PFKFB2: variants seen among roughly 807,000 people sequenced by gnomAD.
The protein encoded by PFKFB2 is 6-phosphofructo-2-kinase/fructose-2,6-bisphosphatase 2.
In PFKFB2, 53 loss-of-function variants were observed where a neutral mutation model predicts 68.0. That is an observed-to-expected ratio of 0.78 (90% CI 0.63 to 0.98). The LOEUF (loss-of-function observed/expected upper bound fraction) is 0.98, where lower values mean the gene tolerates loss of function less well. Ranked by LOEUF, PFKFB2 falls within the 50% of genes least tolerant of loss-of-function variation. PFKFB2 has a pLI of 0.00. For missense variants in PFKFB2, 451 were observed against 642.0 expected, an observed-to-expected ratio of 0.70 and a Z score of 3.22; for synonymous variants, 222 against 227.6, an observed-to-expected ratio of 0.98 and a Z score of 0.22.
In PFKFB2 at chr1:207,073,858, G is replaced by T; in HGVS notation, c.*1487G>T. The T allele has an allele frequency of 1.0e-6, 1 of 985,346 alleles. No individual in the cohort carries two copies. The highest frequency in any genetic ancestry group is 1.2e-6 in the Non-Finnish European group (1 of 829,874). The allele number at this position is 985,346 out of a possible 1,614,324, so 61.0% of individuals were successfully genotyped here. On this transcript the variant is annotated 3_prime_UTR_variant, in exon 15 of 15. Transcript: ENST00000367080. ...TGTTTTTCTGAGAGGCAAGTTTAGGGTTCTCATGGGATTTTAAAAAGAGAT... is the reference window on the plus strand; with the variant it reads ...TGTTTTTCTGAGAGGCAAGTTTAGGTTTCTCATGGGATTTTAAAAAGAGAT...
intron 11 of PFKFB2, among the ~76,000 whole-genome samples, chr1:207,069,764 T>C (rs909517906): frequency 2.6e-5 from 4 of 152,158 alleles, no homozygotes; most frequent in Non-Finnish European, 5.9e-5. Flanking sequence ...ATCAACACAA[T>C]CATTTTTACT....
intron 2 of PFKFB2, among the ~76,000 whole-genome samples, chr1:207,060,468 C>T (rs1042968731): frequency 9.9e-5 from 15 of 152,212 alleles, no homozygotes; most frequent in African/African-American, 3.4e-4. Flanking sequence ...CTGAAGCTTC[C>T]TGAGGTCTAT....
intron 8 of PFKFB2, among the ~76,000 whole-genome samples, chr1:207,065,729 TTGAACTGGGTAATTCTTTGTTGTAGGACC>T (rs1683268548): frequency 6.6e-6 from 1 of 152,214 alleles, no homozygotes; most frequent in African/African-American, 2.4e-5. Flanking sequence ...TATTGGCACT[TTGAACTGGGTAATTCTTTGTTGTAGGACC>T]TGTCCTGTGC....
At chr1:207,049,114 A>T, upstream of PFKFB2, 1 of 1,614,004 alleles carries the variant, frequency 6.2e-7, no homozygotes, top group Admixed American at 1.7e-5. Context: ...CATGCATCTC[A>T]GGGTGAAGCG....
Position 207,063,207 on chromosome 1 carries a change from G to T in PFKFB2, c.373G>T (p.Ala125Ser). The change falls in exon 5 of 15, where the codon GCG (alanine) becomes TCG (serine). Residue 125 changes from alanine (A) to serine (S), a missense_variant and splice_region_variant. Transcript: ENST00000367080. The surrounding 1 kb of genome is among the most constrained non-coding windows in gnomAD (Gnocchi z 4.1). ...TCTCACTGAGGAGAATGGTCAGATTGCGGTAAGCTTTATCTGCTGCTTCTT... is the reference window on the plus strand; with the variant it reads ...TCTCACTGAGGAGAATGGTCAGATTTCGGTAAGCTTTATCTGCTGCTTCTT... ...AYLTEENGQI[A>S]VFDATNTTRE... The T allele has an allele frequency of 6.2e-7, 1 of 1,613,166 alleles. No individual in the cohort carries two copies. Among genetic ancestry groups the T allele is most frequent in the East Asian group, 2.2e-5 (1 of 44,882 alleles).
At position 207,076,125 on chromosome 1, in the gene PFKFB2, G is replaced by A. The variant is rs1384079901; in HGVS notation, c.*3754G>A. 3.0e-6 allele frequency: 3 copies of A among 985,152 alleles called. No individual in the cohort carries two copies. Among genetic ancestry groups the A allele is most frequent in the East Asian group, 2.3e-4 (2 of 8,832 alleles). The allele number at this position is 985,152 out of a possible 1,614,324, so 61.0% of individuals were successfully genotyped here. On this transcript the variant is annotated 3_prime_UTR_variant, in exon 15 of 15. Transcript: ENST00000367080. ...TTGTACCCCTAGACTGAATGGGTGAGTATTCCATATGAGGATCTGGGTAAT... is the reference window on the plus strand; with the variant it reads ...TTGTACCCCTAGACTGAATGGGTGAATATTCCATATGAGGATCTGGGTAAT...
chr1:207,071,471 C>A, intron 13 of PFKFB2, 38 bp from the exon 14 acceptor site: 1 of 1,560,520 alleles, frequency 6.4e-7, no homozygotes, highest in Non-Finnish European at 8.8e-7. Flanking sequence ...TCCATTGAAC[C>A]TTTTTCTTTA....
In PFKFB2 at chr1:207,040,121, G is replaced by A. The variant is rs548875538; in HGVS notation, c.-61-2048G>A. 2.6e-5 allele frequency among the ~76,000 whole-genome samples: 4 copies of A among 152,280 alleles called. No homozygotes were observed. The South Asian group carries it at 8.3e-4, about 32-fold the overall frequency. ...AGCTGTGTTGGACTTACAAGTTATGGTGATGTCTATACACTCAGTGAGATA... is the reference window on the plus strand; with the variant it reads ...AGCTGTGTTGGACTTACAAGTTATGATGATGTCTATACACTCAGTGAGATA... On this transcript the variant is annotated intron_variant, in intron 1 of 5. Coordinates refer to the PFKFB2 transcript ENST00000545806.
Position 207,067,611 on chromosome 1 carries a change from C to G in PFKFB2, c.745C>G (p.Pro249Ala). Residue 249 changes from proline (P) to alanine (A), a missense_variant, in exon 9 of 15, where the codon CCT becomes GCT. By Grantham distance (27) the Pro-to-Ala change is conservative. Coordinates refer to ENST00000367080, the MANE Select transcript of PFKFB2 (RefSeq NM_006212.2). ...VYYLMNIHVQ[P>A]RTIYLCRHGE... The stretch of plus-strand genomic sequence containing the variant: ...CTACCTCATGAATATCCACGTCCAG[C>G]CTCGCACCATTTACCTTTGCCGGCA... 6.2e-7 allele frequency: 1 copy of G among 1,613,926 alleles called. No individual in the cohort carries two copies. The highest frequency in any genetic ancestry group is 8.5e-7 in the Non-Finnish European group (1 of 1,179,956).
chr1:207,040,114 A>C (rs1251155843), intron 1 of PFKFB2, among the ~76,000 whole-genome samples: 1 of 152,172 alleles, frequency 6.6e-6, no homozygotes, highest in Non-Finnish European at 1.5e-5. Flanking sequence ...TGGACTTACA[A>C]GTTATGGTGA....
In PFKFB2 at chr1:207,077,177, C is replaced by G; in HGVS notation, c.*4806C>G. On this transcript the variant is annotated 3_prime_UTR_variant, in exon 15 of 15. Coordinates refer to ENST00000367080, the MANE Select transcript of PFKFB2 (RefSeq NM_006212.2). ...CCTGCTTTAGGGCAGGACTTCAGTT[C>G]CACTGTTCATTTCTGAAGCTTCTGT... is the stretch of plus-strand genomic sequence containing the variant. The G allele has an allele frequency of 3.0e-6, 3 of 985,342 alleles. No homozygotes were observed. In the South Asian group the frequency reaches 1.4e-4, roughly 46 times the overall value. The allele number at this position is 985,342 out of a possible 1,614,324, so 61.0% of individuals were successfully genotyped here. A position where few individuals can be genotyped will look rare whatever the true frequency, so the allele number is the denominator to read the frequency against.
At position 207,062,641 on chromosome 1, in the gene PFKFB2, G is replaced by T; in HGVS notation, c.233G>T (p.Arg78Leu). The change falls in exon 4 of 15, where the codon CGG becomes CTG. Residue 78 changes from arginine (R) to leucine (L), a missense_variant. By Grantham distance (102) the Arg-to-Leu change is moderately radical. Coordinates refer to ENST00000367080, the MANE Select transcript of PFKFB2 (RefSeq NM_006212.2). ...PTKVFNLGVY[R>L]REAVKSYKSY... ...ACAGTGTTTAATCTTGGGGTGTATC[G>T]GCGTGAAGCAGTCAAGTCCTATAAG... The T allele has an allele frequency of 6.2e-7, 1 of 1,614,018 alleles. No individual in the cohort carries two copies. Among genetic ancestry groups the T allele is most frequent in the Non-Finnish European group, 8.5e-7 (1 of 1,179,942 alleles).
chr1:207,050,910 T>C, upstream of PFKFB2: 3 of 1,604,286 alleles, frequency 1.9e-6, no homozygotes, highest in Non-Finnish European at 2.6e-6. Flanking sequence ...TCGGTCCGGC[T>C]GCCCACAGGC....
intron 8 of PFKFB2, among the ~76,000 whole-genome samples, chr1:207,066,542 C>T (rs1683293193): frequency 6.6e-6 from 1 of 152,162 alleles, no homozygotes; most frequent in Non-Finnish European, 1.5e-5. Flanking sequence ...TACAGAAGAT[C>T]TACATATATA....
In PFKFB2 at chr1:207,063,888, G is replaced by GGGGGGGGTGTGTGT. The variant is rs572110449; in HGVS notation, c.507+60_507+61insGGGGGGTGTGTGTG. On this transcript the variant is annotated intron_variant, in intron 7 of 14. Coordinates refer to ENST00000367080, the MANE Select transcript of PFKFB2 (RefSeq NM_006212.2). The surrounding 1 kb of genome is among the most constrained non-coding windows in gnomAD (Gnocchi z 4.1). ...ACCTTTTGTGCTGTGTGTGTTGTGG[G>GGGGGGGGTGTGTGT]GTGTGTGTGTGTGTGTGTGTGTGTG... 12 of 1,016,506 alleles carry GGGGGGGGTGTGTGT rather than the reference G, an allele frequency of 1.2e-5. No individual in the cohort carries two copies. Among genetic ancestry groups the GGGGGGGGTGTGTGT allele is most frequent in the South Asian group, 5.2e-5 (4 of 77,254 alleles). The allele number at this position is 1,016,506 out of a possible 1,614,324, so 63.0% of individuals were successfully genotyped here.
chr1:207,071,615 C>T lies in PFKFB2; in HGVS notation c.1350+42C>T, dbSNP rs746672305. The T allele has an allele frequency of 6.9e-6, 10 of 1,443,402 alleles. No homozygotes were observed. In the South Asian group the frequency reaches 1.1e-4, roughly 17 times the overall value. The allele number at this position is 1,443,402 out of a possible 1,614,324, so 89.4% of individuals were successfully genotyped here. A position where few individuals can be genotyped will look rare whatever the true frequency, so the allele number is the denominator to read the frequency against. Reference sequence around the variant, plus strand: ...GATGAACACACCAGTTTCCCTGCCACCTTGAGTCTCTGAAGCTTTGACATC... The same window carrying T: ...GATGAACACACCAGTTTCCCTGCCATCTTGAGTCTCTGAAGCTTTGACATC... On this transcript the variant is annotated intron_variant, in intron 14 of 14. Coordinates refer to ENST00000367080, the MANE Select transcript of PFKFB2 (RefSeq NM_006212.2).
intron 11 of PFKFB2, 151 bp downstream of exon 11, chr1:207,069,679 A>G (rs1338372606): frequency 1.5e-5 from 9 of 584,626 alleles, no homozygotes; most frequent in South Asian, 4.1e-5. Context: ...AGCTTAGACA[A>G]TCGAATGCCT....
upstream of PFKFB2, among the ~76,000 whole-genome samples, chr1:207,051,549 ATT>A (rs1380818334): frequency 6.6e-6 from 1 of 152,122 alleles, no homozygotes; most frequent in Non-Finnish European, 1.5e-5. Context: ...GAAAACGTCT[ATT>A]TGCCACTTCA....
chr1:207,059,574 T>G (rs953394864), intron 2 of PFKFB2, among the ~76,000 whole-genome samples: 1 of 152,168 alleles, frequency 6.6e-6, no homozygotes, highest in Non-Finnish European at 1.5e-5. Flanking sequence ...AAATCACTTA[T>G]GTTGCTCCTT....
Sources: gnomAD v4.1 joint callset for allele counts (sites outside exome capture counted in the v4.1 genomes callset) on GRCh38, gnomAD v4.1.1 for gene constraint, Gnocchi (gnomAD v3.1) non-coding constraint, MANE v1.5 for transcripts, NCBI Gene and HGNC (gene_info 2026-07-23, HGNC 2026-07-21) for gene names.